The following ZBTB7C variants were observed in gnomAD, a reference collection of about 807,000 sequenced individuals.
The protein encoded by ZBTB7C is zinc finger and BTB domain containing 7C.
Under a neutral mutation model 25.7 loss-of-function variants are expected in ZBTB7C, and 8 were observed. That is an observed-to-expected ratio of 0.31 (90% CI 0.18 to 0.56). The LOEUF (loss-of-function observed/expected upper bound fraction) is 0.56. Ranked by LOEUF, ZBTB7C falls within the 20% of genes least tolerant of loss-of-function variation. The pLI is 0.91. For missense variants in ZBTB7C, 824 were observed against 855.2 expected, an observed-to-expected ratio of 0.96 and a Z score of 0.46; for synonymous variants, 394 against 369.0, an observed-to-expected ratio of 1.07 and a Z score of -0.78.
chr18:48,356,318 C>T (rs1164296409), intron 1 of ZBTB7C, among the ~76,000 whole-genome samples: 1 of 152,156 alleles, frequency 6.6e-6, no homozygotes, highest in East Asian at 1.9e-4. Context: ...CAGCCAACAG[C>T]GCAGAGCAGC....
chr18:48,233,032 G>C (rs1208251090), intron 2 of ZBTB7C, among the ~76,000 whole-genome samples: 6 of 152,144 alleles, frequency 3.9e-5, no homozygotes. Flanking sequence ...GATGTTGAAT[G>C]GGAGAGGCAT....
intron 4 of ZBTB7C, among the ~76,000 whole-genome samples, chr18:48,035,871 A>C (rs2035948902): frequency 6.6e-6 from 1 of 152,328 alleles, no homozygotes; most frequent in Admixed American, 6.5e-5. Context: ...CTTGGTCCAG[A>C]CTGCCTCTGC....
intron 3 of ZBTB7C, among the ~76,000 whole-genome samples, chr18:48,113,453 G>A (rs998788926): frequency 2.0e-5 from 3 of 152,240 alleles, no homozygotes; most frequent in Middle Eastern, 3.2e-3. Context: ...AGGCTGGCCT[G>A]GAGCCCCTCC....
At chr18:48,245,494 C>CAAAAAAAAAAA (rs5824738) in intron 2 of ZBTB7C, among the ~76,000 whole-genome samples, 2 of 132,910 alleles carry the variant, frequency 1.5e-5, no homozygotes, top group African/African-American at 2.9e-5. Flanking sequence ...ATCAAGACAC[C>CAAAAAAAAAAA]AAAAAAAAAA....
intron 3 of ZBTB7C, among the ~76,000 whole-genome samples, chr18:48,126,476 T>C (rs929005364): frequency 6.6e-6 from 1 of 152,200 alleles, no homozygotes; most frequent in African/African-American, 2.4e-5. Flanking sequence ...GATTGTGGAC[T>C]CCAGCCTGTC....
chr18:48,048,013 G>T (rs374010040), intron 3 of ZBTB7C, among the ~76,000 whole-genome samples: 2 of 152,122 alleles, frequency 1.3e-5, no homozygotes. Flanking sequence ...TCACCATGCT[G>T]CCCCCTGGGA....
At chr18:48,217,905 A>G (rs1055140871) in intron 2 of ZBTB7C, among the ~76,000 whole-genome samples, 1 of 151,914 alleles carries the variant, frequency 6.6e-6, no homozygotes, top group Non-Finnish European at 1.5e-5. Flanking sequence ...TGCTCACAAC[A>G]TCACCGTCCC....
chr18:48,269,526 G>A (rs2044411882), intron 2 of ZBTB7C, among the ~76,000 whole-genome samples: 1 of 152,178 alleles, frequency 6.6e-6, no homozygotes, highest in East Asian at 1.9e-4. Flanking sequence ...GGGATGAAGT[G>A]GTGGAGAAGA....
intron 4 of ZBTB7C, among the ~76,000 whole-genome samples, chr18:48,037,419 CCTCCTATA>C (rs2036022071): frequency 6.6e-6 from 1 of 152,176 alleles, no homozygotes; most frequent in Admixed American, 6.5e-5. Context: ...GGAATGTCAC[CCTCCTATA>C]CAACACAGCA....
At chr18:48,397,568 G>C (rs1411219266) in intron 1 of ZBTB7C, among the ~76,000 whole-genome samples, 1 of 152,136 alleles carries the variant, frequency 6.6e-6, no homozygotes, top group African/African-American at 2.4e-5. Flanking sequence ...ATTGAAAGTT[G>C]CTGTGAGAAT....
intron 3 of ZBTB7C, among the ~76,000 whole-genome samples, chr18:48,061,229 C>A (rs2037115000): frequency 6.6e-6 from 1 of 152,172 alleles, no homozygotes; most frequent in Non-Finnish European, 1.5e-5. Flanking sequence ...CATGAGGAAG[C>A]TTTCCTGAAA....
chr18:48,274,381 G>A (rs1185012292), intron 2 of ZBTB7C, among the ~76,000 whole-genome samples: 2 of 152,136 alleles, frequency 1.3e-5, no homozygotes, highest in Admixed American at 6.5e-5. Flanking sequence ...ATGACAGCAA[G>A]TTAGGGTCAA....
intron 2 of ZBTB7C, among the ~76,000 whole-genome samples, chr18:48,205,909 C>T (rs903478980): frequency 2.0e-5 from 3 of 152,158 alleles, no homozygotes; most frequent in Non-Finnish European, 2.9e-5. Flanking sequence ...TTATTGCTCA[C>T]TGTCCCTTGC....
chr18:48,148,421 C>T (rs2040564880), intron 3 of ZBTB7C: 1 of 152,136 alleles, frequency 6.6e-6, no homozygotes. Flanking sequence ...GTTATACAAC[C>T]AAGGCTTTGA....
intron 3 of ZBTB7C, among the ~76,000 whole-genome samples, chr18:48,162,783 C>T (rs1035212962): frequency 2.6e-5 from 4 of 152,180 alleles, no homozygotes; most frequent in Admixed American, 6.5e-5. Context: ...AGGGAGTGCC[C>T]AGGGCAGTTC....
intron 3 of ZBTB7C, among the ~76,000 whole-genome samples, chr18:48,113,706 C>G (rs1225383243): frequency 2.0e-5 from 3 of 152,270 alleles, no homozygotes; most frequent in Non-Finnish European, 2.9e-5. Flanking sequence ...GCCCTCCACA[C>G]AGATTCCATC....
intron 3 of ZBTB7C, among the ~76,000 whole-genome samples, chr18:48,134,038 C>T (rs1297297929): frequency 6.6e-6 from 1 of 150,968 alleles, no homozygotes; most frequent in African/African-American, 2.4e-5. Context: ...TTTATTCTGG[C>T]AGCACGACAT....
intron 3 of ZBTB7C, among the ~76,000 whole-genome samples, chr18:48,113,871 T>C (rs1435418583): frequency 1.3e-5 from 2 of 152,216 alleles, no homozygotes; most frequent in African/African-American, 4.8e-5. Flanking sequence ...ACAAGGTGGC[T>C]GTGAAAACAC....
chr18:48,065,019 CT>C (rs899015276), intron 3 of ZBTB7C, among the ~76,000 whole-genome samples: 3 of 152,196 alleles, frequency 2.0e-5, no homozygotes, highest in Non-Finnish European at 2.9e-5. Flanking sequence ...CTAACATGTC[CT>C]TTTGGTTGGG....
Sources: gnomAD v4.1 joint callset for allele counts (sites outside exome capture counted in the v4.1 genomes callset) on GRCh38, gnomAD v4.1.1 for gene constraint, MANE v1.5 for transcripts, NCBI Gene and HGNC (gene_info 2026-07-23, HGNC 2026-07-21) for gene names.